The following CLVS1 variants were observed in gnomAD, a reference collection of about 807,000 sequenced individuals.
CLVS1 encodes the protein clavesin 1.
CLVS1 carries 10 observed loss-of-function variants against 33.1 expected under a neutral mutation model. The ratio of observed to expected loss-of-function variants is 0.30; its 90% CI spans 0.19 to 0.51. CLVS1 has a LOEUF of 0.51. CLVS1 is among the 20% of genes least tolerant of loss of function. CLVS1 has a pLI of 0.97. For synonymous variants in CLVS1, 163 were observed against 166.1 expected, an observed-to-expected ratio of 0.98 and a Z score of 0.14; for missense variants, 343 against 433.4, an observed-to-expected ratio of 0.79 and a Z score of 1.85.
rs1810373102 is a variant in CLVS1 at position 61,300,022 on chromosome 8, C to T, written c.195C>T (p.Asp65=). 3 of 1,614,044 alleles carry T rather than the reference C, an allele frequency of 1.9e-6. No homozygotes were observed. The highest frequency in any genetic ancestry group is 1.7e-5 in the Admixed American group (1 of 59,976). The change falls in exon 2 of 6, where the codon GAC becomes GAT. Residue 65 remains aspartate, a synonymous_variant. Transcript: ENST00000325897. ...QVRDMIITRP[D]IGFLRTDDAF... ...GGGACATGATCATCACCAGGCCTGA[C>T]ATTGGATTTTTACGTACAGATGATG...
intron 3 of CLVS1, among the ~76,000 whole-genome samples, chr8:61,439,677 A>C (rs2064555246): frequency 6.6e-6 from 1 of 152,194 alleles, no homozygotes; most frequent in African/African-American, 2.4e-5. Context: ...AGATAACTGT[A>C]ATCAGTATGT....
At chr8:61,445,483 C>T (rs1226862420) in intron 3 of CLVS1, among the ~76,000 whole-genome samples, 1 of 152,148 alleles carries the variant, frequency 6.6e-6, no homozygotes, top group Non-Finnish European at 1.5e-5. Flanking sequence ...GCCATGTGAT[C>T]TCTACATACC....
chr8:61,188,762 G>A (rs533348099), intron 2 of CLVS1, among the ~76,000 whole-genome samples: 2 of 151,946 alleles, frequency 1.3e-5, no homozygotes, highest in Non-Finnish European at 2.9e-5. Flanking sequence ...ATGAAAGAAG[G>A]TAAGTTATGG....
intron 2 of CLVS1, among the ~76,000 whole-genome samples, chr8:61,162,554 AC>A (rs1806774019): frequency 6.6e-6 from 1 of 152,226 alleles, no homozygotes; most frequent in Non-Finnish European, 1.5e-5. Context: ...GAATGGCAAA[AC>A]ACACTATTTT....
intron 1 of CLVS1, among the ~76,000 whole-genome samples, chr8:61,297,623 G>A (rs1810265178): frequency 6.6e-6 from 1 of 152,140 alleles, no homozygotes; most frequent in Non-Finnish European, 1.5e-5. Flanking sequence ...AGTAAGTGGA[G>A]ATGTTCAGTA....
chr8:61,040,167 C>T, the CLVS1 span, among the ~76,000 whole-genome samples: 1 of 152,208 alleles, frequency 6.6e-6, no homozygotes, highest in African/African-American at 2.4e-5. Flanking sequence ...CTGCAAAGGA[C>T]ATAATTTCAT....
intron 2 of CLVS1, among the ~76,000 whole-genome samples, chr8:61,201,570 CA>C (rs1807733042): frequency 4.6e-5 from 7 of 152,162 alleles, no homozygotes; most frequent in Admixed American, 4.6e-4. Context: ...TTCTTTCTAG[CA>C]TAAATAAAAG....
chr8:61,146,976 A>G (rs1400186700), intron 2 of CLVS1, among the ~76,000 whole-genome samples: 1 of 152,246 alleles, frequency 6.6e-6, no homozygotes, highest in Non-Finnish European at 1.5e-5. Flanking sequence ...TATCTGAACT[A>G]GGTATGTATG....
At chr8:61,427,694 C>T (rs1448756871) in intron 3 of CLVS1, among the ~76,000 whole-genome samples, 1 of 152,154 alleles carries the variant, frequency 6.6e-6, no homozygotes, top group Non-Finnish European at 1.5e-5. Flanking sequence ...AAACTGGGCT[C>T]AGAGAGGTTA....
chr8:61,437,509 A>T (rs1417639186), intron 3 of CLVS1, among the ~76,000 whole-genome samples: 2 of 152,220 alleles, frequency 1.3e-5, no homozygotes, highest in Non-Finnish European at 2.9e-5. Context: ...ATGTATGCAA[A>T]TAGAAGAAAA....
chr8:61,289,934 T>G (rs1421719390), intron 1 of CLVS1, among the ~76,000 whole-genome samples: 1 of 152,218 alleles, frequency 6.6e-6, no homozygotes, highest in Non-Finnish European at 1.5e-5. Context: ...TAGTAAAATA[T>G]GTGGTGAAAT....
chr8:61,477,526 G>T (rs1192706659), intron 5 of CLVS1, among the ~76,000 whole-genome samples: 3 of 152,136 alleles, frequency 2.0e-5, no homozygotes, highest in African/African-American at 7.2e-5. Flanking sequence ...TTTAGTCTTG[G>T]GAGGGTGTAT....
intron 2 of CLVS1, among the ~76,000 whole-genome samples, chr8:61,352,602 T>C (rs953488402): frequency 2.6e-5 from 4 of 151,930 alleles, no homozygotes; most frequent in African/African-American, 4.8e-5. Flanking sequence ...AAAATAGACA[T>C]GGCTGTATTC....
rs561822394 is a variant in CLVS1, at chr8:61,350,415, T to C, written c.456-26190T>C. Among the ~76,000 whole-genome samples, 3 of 152,294 alleles carry C rather than the reference T, an allele frequency of 2.0e-5. No homozygotes were observed. In the South Asian group the frequency reaches 6.2e-4, roughly 32 times the overall value. On this transcript the variant is annotated intron_variant, in intron 2 of 5. Coordinates refer to ENST00000325897, the MANE Select transcript of CLVS1 (RefSeq NM_173519.3). ...TCTTACAACTCTTTGTATTTGGCAT[T>C]ATTTGATTTGTATCAGAACATACTT... is the stretch of plus-strand genomic sequence containing the variant.
In CLVS1 at chr8:61,356,257, G is replaced by C. The variant is rs1329311291; in HGVS notation, c.456-20348G>C. Among the ~76,000 whole-genome samples the C allele has an allele frequency of 2.0e-5, 3 of 152,090 alleles. No homozygotes were observed. In the East Asian group the frequency reaches 5.8e-4, roughly 29 times the overall value. ...ATATCCTTCACCCAGTTTTTGATGG[G>C]GTTGTTTGTTTTTTTCTTGTAAATT... On this transcript the variant is annotated intron_variant, in intron 2 of 5. Coordinates refer to ENST00000325897, the MANE Select transcript of CLVS1 (RefSeq NM_173519.3).
At chr8:61,251,757 A>G (rs1808953869) in intron 2 of CLVS1, among the ~76,000 whole-genome samples, 1 of 152,030 alleles carries the variant, frequency 6.6e-6, no homozygotes, top group Non-Finnish European at 1.5e-5. Flanking sequence ...ATCAGTGGTG[A>G]TATCCCCTAT....
intron 3 of CLVS1, among the ~76,000 whole-genome samples, chr8:61,393,552 G>C (rs1814392459): frequency 6.6e-6 from 1 of 152,152 alleles, no homozygotes; most frequent in Non-Finnish European, 1.5e-5. Context: ...GGAAAGATCT[G>C]GAACTCAAGG....
At chr8:61,061,603 A>G (rs1164198707) in intron 1 of CLVS1, among the ~76,000 whole-genome samples, 1 of 152,070 alleles carries the variant, frequency 6.6e-6, no homozygotes, top group Non-Finnish European at 1.5e-5. Context: ...GCATCCCCAA[A>G]GGAGGGATTT....
intron 1 of CLVS1, among the ~76,000 whole-genome samples, chr8:61,061,307 G>A (rs548764181): frequency 1.4e-4 from 21 of 152,246 alleles, no homozygotes; most frequent in Admixed American, 3.3e-4. Context: ...AGGGGTAAAG[G>A]AAAGAGGCTC....
Sources: gnomAD v4.1 joint callset for allele counts (sites outside exome capture counted in the v4.1 genomes callset) on GRCh38, gnomAD v4.1.1 for gene constraint, MANE v1.5 for transcripts, NCBI Gene and HGNC (gene_info 2026-07-23, HGNC 2026-07-21) for gene names.